TACC2: variants seen among roughly 807,000 people sequenced by gnomAD.
The protein encoded by TACC2 is transforming acidic coiled-coil-containing protein 2.
TACC2 carries 137 observed loss-of-function variants against 227.3 expected under a neutral mutation model. The ratio of observed to expected loss-of-function variants is 0.60; its 90% confidence interval spans 0.52 to 0.69. TACC2 has a LOEUF of 0.69. Ranked by LOEUF, TACC2 falls within the 30% of genes least tolerant of loss-of-function variation. TACC2 has a pLI of 0.00. For synonymous variants in TACC2, 1,523 were observed against 1,487.5 expected (o/e 1.02, Z -0.55); for missense variants, 3,470 against 3,694.4 (o/e 0.94, Z 1.57).
Position 122,210,890 on chromosome 10 carries a change from G to A in TACC2, c.6465G>A (p.Gln2155=). 6.2e-7 allele frequency: 1 copy of A among 1,613,466 alleles called. No homozygotes were observed. The highest frequency in any genetic ancestry group is 8.5e-7 in the Non-Finnish European group (1 of 1,179,922). Residue 2155 remains glutamine, a synonymous_variant, in exon 9 of 23, where the codon CAG becomes CAA. Transcript: ENST00000369005. This position sits in a 1 kb window ranked among gnomAD's most constrained non-coding sequence, Gnocchi z 4.6. ...TETPPVKETQ[Q]EPDEESLVPS... ...CCCCCCCAGTGAAGGAGACGCAACA[G>A]GAGCCAGATGAAGAGAGCCTTGTCC...
chr10:122,006,451 A>AAAATACATAAATAAAT (rs1955156444), intron 1 of TACC2, among the ~76,000 whole-genome samples: 1 of 149,242 alleles, frequency 6.7e-6, no homozygotes. Context: ...TCAGTCTCAA[A>AAAATACATAAATAAAT]AAATAAATAA....
chr10:122,096,996 C>T (rs2081515124), intron 5 of TACC2, among the ~76,000 whole-genome samples: 1 of 152,102 alleles, frequency 6.6e-6, no homozygotes, highest in African/African-American at 2.4e-5. Context: ...ATGCCCTTTC[C>T]TTTTGCAAGC....
intron 5 of TACC2, among the ~76,000 whole-genome samples, chr10:122,109,637 A>G (rs571932210): frequency 6.6e-6 from 1 of 152,360 alleles, no homozygotes; most frequent in South Asian, 2.1e-4. Context: ...TTGCCTTTAG[A>G]GATTCAGACA....
In TACC2 at chr10:122,082,667, G is replaced by A. The variant is rs138796945; in HGVS notation, c.167G>A (p.Gly56Glu). 933 of 1,610,566 alleles carry A rather than the reference G, an allele frequency of 5.8e-4. 11 individuals carry two copies. In the African/African-American group the frequency reaches 0.012, roughly 20 times the overall value. The change falls in exon 4 of 23, where the codon GGA becomes GAA. Residue 56 changes from glycine to glutamate, a missense_variant. Gly to Glu is a moderately conservative substitution (Grantham distance 98). Around this residue, in one of 10 missense-constraint regions of TACC2, gnomAD observed 405 missense variants for 389.6 expected, o/e 1.04. Coordinates refer to ENST00000369005, the MANE Select transcript of TACC2 (RefSeq NM_206862.4). ...TTCAGCATTGGCAGCGTTGGGCTTG[G>A]AGGCTTCTGCACCGCTTCTGAGAGT... Reference protein sequence around the residue: ...DASSIGSVGLGGFCTASESSA... With the variant: ...DASSIGSVGLEGFCTASESSA...
Position 122,050,488 on chromosome 10 carries a change from T to C in TACC2, c.84T>C (p.Ser28=). 4 of 1,613,836 alleles carry C rather than the reference T, an allele frequency of 2.5e-6. No individual in the cohort carries two copies. The highest frequency in any genetic ancestry group is 2.5e-6 in the Non-Finnish European group (3 of 1,179,966). Residue 28 remains serine, a synonymous_variant, in exon 3 of 23, where the codon AGT becomes AGC. Transcript: ENST00000369005. The surrounding 1 kb of genome is among the most constrained non-coding windows in gnomAD (Gnocchi z 4.6). ...GGTCCGCGCAGCCACCCGGGAACAG[T>C]CAGAATATAAAAAGGAAGCAGCAGG... ...TPRSAQPPGN[S]QNIKRKQQDT... is the part of the protein sequence containing the mutation.
At chr10:122,233,724 G>A (rs1027858573) in intron 16 of TACC2, among the ~76,000 whole-genome samples, 5 of 152,118 alleles carry the variant, frequency 3.3e-5, no homozygotes, top group Non-Finnish European at 5.9e-5. Flanking sequence ...GGACCAGCTC[G>A]CGAGCGCCTG....
At chr10:122,076,164 T>G (rs2078785492) in intron 3 of TACC2, among the ~76,000 whole-genome samples, 1 of 152,122 alleles carries the variant, frequency 6.6e-6, no homozygotes. Flanking sequence ...GGTGAGGGCA[T>G]TCTTGCTGGT....
rs145325041 is a variant in TACC2 at position 122,138,164 on chromosome 10, A to G, written c.5700-5408A>G. Among the ~76,000 whole-genome samples the G allele has an allele frequency of 5.9e-3, 894 of 152,104 alleles. 8 individuals are homozygous for G. The highest frequency in any genetic ancestry group is 0.02 in the African/African-American group (843 of 41,488). On this transcript the variant is annotated intron_variant, in intron 6 of 22. Coordinates refer to ENST00000369005, the MANE Select transcript of TACC2 (RefSeq NM_206862.4). The stretch of plus-strand genomic sequence containing the variant: ...CTATGGGTATGCATAAGTGAGTTCA[A>G]CCACCTCACAAAGGTTAGTTGAACC...
chr10:122,241,796 T>TC (rs2096001219), intron 18 of TACC2, 162 bp from the exon 19 acceptor site: 3 of 683,266 alleles, frequency 4.4e-6, no homozygotes, highest in Non-Finnish European at 5.3e-6. Flanking sequence ...ATATTTAGAG[T>TC]CACGCACCAG....
At chr10:122,028,296 G>A (rs1475163326) in intron 2 of TACC2, among the ~76,000 whole-genome samples, 1 of 150,842 alleles carries the variant, frequency 6.6e-6, no homozygotes, top group Non-Finnish European at 1.5e-5. Flanking sequence ...CACTATGTTG[G>A]CCAGGCTGGT....
At chr10:122,170,767 C>G (rs867733610) in intron 7 of TACC2, among the ~76,000 whole-genome samples, 1 of 152,196 alleles carries the variant, frequency 6.6e-6, no homozygotes, top group African/African-American at 2.4e-5. Flanking sequence ...TGGCTCCCGC[C>G]GCTCCTCCCC....
At chr10:122,236,499 G>A (rs1157736288) in intron 16 of TACC2, among the ~76,000 whole-genome samples, 2 of 152,264 alleles carry the variant, frequency 1.3e-5, no homozygotes, top group African/African-American at 4.8e-5. Flanking sequence ...CAACCCGGCT[G>A]TGCTGGTCAG....
chr10:122,216,966 C>T, intron 11 of TACC2, 138 bp downstream of exon 11: 1 of 1,507,692 alleles, frequency 6.6e-7, no homozygotes, highest in Non-Finnish European at 8.9e-7. Flanking sequence ...ACGTCTCCCG[C>T]TGCACTTGCA....
At chr10:122,169,561 T>G (rs955380589) in intron 7 of TACC2, among the ~76,000 whole-genome samples, 1 of 152,216 alleles carries the variant, frequency 6.6e-6, no homozygotes. Context: ...AAAAACAGAC[T>G]GCAGGTTGTA....
chr10:122,249,997 C>T (rs1342333960), intron 22 of TACC2, among the ~76,000 whole-genome samples: 1 of 152,184 alleles, frequency 6.6e-6, no homozygotes, highest in Admixed American at 6.5e-5. Flanking sequence ...GGCATGCTTA[C>T]TGGGTGAGTG....
chr10:122,192,865 A>C, intron 7 of TACC2: 1 of 430,562 alleles, frequency 2.3e-6, no homozygotes, highest in Non-Finnish European at 4.8e-6. Flanking sequence ...CTGGTGAGGA[A>C]GCTGGGTTCC....
At chr10:121,993,485 T>C (rs369059337) in intron 1 of TACC2, among the ~76,000 whole-genome samples, 3 of 152,326 alleles carry the variant, frequency 2.0e-5, no homozygotes, top group African/African-American at 7.2e-5. Context: ...TAGTTTCTTA[T>C]GTGAGTTTCC....
chr10:122,127,700 A>G (rs1449722582), intron 5 of TACC2, among the ~76,000 whole-genome samples: 1 of 152,204 alleles, frequency 6.6e-6, no homozygotes, highest in African/African-American at 2.4e-5. Context: ...TGTTCTGAGA[A>G]GAGCTGTTTT....
intron 5 of TACC2, among the ~76,000 whole-genome samples, chr10:122,112,128 A>G (rs944012862): frequency 1.3e-5 from 2 of 152,176 alleles, no homozygotes; most frequent in Admixed American, 6.5e-5. Flanking sequence ...TTGGTCCCTG[A>G]GTATATAATC....
Sources: allele counts gnomAD v4.1 joint callset (sites outside exome capture counted in the v4.1 genomes callset), GRCh38; gene constraint gnomAD v4.1.1; regional missense constraint gnomAD v4.1.1; non-coding constraint Gnocchi (gnomAD v3.1); transcripts MANE v1.5; gene names NCBI Gene and HGNC (gene_info 2026-07-23, HGNC 2026-07-21).